The following TUT7 variants were observed in gnomAD, a reference collection of about 807,000 sequenced individuals.
The protein encoded by TUT7 is terminal uridylyltransferase 7.
In TUT7, 33 loss-of-function variants were observed where a neutral mutation model predicts 165.9. The ratio of observed to expected loss-of-function variants is 0.20; its 90% confidence interval spans 0.15 to 0.27. The LOEUF (loss-of-function observed/expected upper bound fraction) is 0.27, where lower values mean the gene tolerates loss of function less well. Among genes scored for constraint, TUT7 ranks in the 10% least tolerant of loss-of-function variants. TUT7 has a pLI of 1.00. For synonymous variants in TUT7, 552 were observed against 608.1 expected (o/e 0.91, Z 1.36); for missense variants, 1,338 against 1,762.3 (o/e 0.76, Z 4.31).
At chr9:86,294,404 G>A (rs1826132368) in intron 26 of TUT7, among the ~76,000 whole-genome samples, 1 of 151,924 alleles carries the variant, frequency 6.6e-6, no homozygotes, top group African/African-American at 2.4e-5. Flanking sequence ...GATAGTGGAT[G>A]ATCATTACAA....
intron 26 of TUT7, among the ~76,000 whole-genome samples, chr9:86,299,647 G>A (rs892271294): frequency 2.0e-5 from 3 of 151,982 alleles, no homozygotes; most frequent in African/African-American, 4.8e-5. Flanking sequence ...CGGACTACCC[G>A]CCCCGCATCT....
chr9:86,323,839 T>C lies in TUT7; in HGVS notation c.1911A>G (p.Lys637=), dbSNP rs1829551920. Residue 637 remains lysine (K), a synonymous_variant, in exon 13 of 27, where the codon AAA becomes AAG. Transcript: ENST00000375963. ...KYFALPHKIT[K]SSLLKPLNAI... ...CATTCAGAGGCTTTAGAAGGCTGGA[T>C]TTTGTAATTTTGTGTGGAAGAGCAA... 6 of 1,614,062 alleles carry C rather than the reference T, an allele frequency of 3.7e-6. No homozygotes were observed. The highest frequency in any genetic ancestry group is 5.1e-6 in the Non-Finnish European group (6 of 1,180,020).
At chr9:86,347,787 C>T (rs1046976483) in intron 2 of TUT7, among the ~76,000 whole-genome samples, 2 of 152,104 alleles carry the variant, frequency 1.3e-5, no homozygotes, top group Admixed American at 6.6e-5. Context: ...AATCAGGCTA[C>T]CTTGCGCTAC....
At chr9:86,350,072 C>T (rs1832137255) in intron 2 of TUT7, among the ~76,000 whole-genome samples, 1 of 152,162 alleles carries the variant, frequency 6.6e-6, no homozygotes, top group South Asian at 2.1e-4. Context: ...TGGCTCACAC[C>T]TGTAATCCCA....
At chr9:86,304,364 C>T (rs1587870577) in intron 24 of TUT7, among the ~76,000 whole-genome samples, 1 of 152,092 alleles carries the variant, frequency 6.6e-6, no homozygotes, top group African/African-American at 2.4e-5. Flanking sequence ...GCTTTGTTTT[C>T]AATAAATGTG....
intron 2 of TUT7, among the ~76,000 whole-genome samples, chr9:86,352,052 T>G (rs1339856879): frequency 2.0e-5 from 3 of 152,154 alleles, no homozygotes; most frequent in African/African-American, 4.8e-5. Context: ...AAATTAGTTT[T>G]GGTCTTACTG....
At chr9:86,342,191 G>A (rs936639176) in intron 6 of TUT7, among the ~76,000 whole-genome samples, 2 of 151,950 alleles carry the variant, frequency 1.3e-5, no homozygotes, top group African/African-American at 2.4e-5. Flanking sequence ...GAGAGAGGTG[G>A]GGCTGGCCAG....
intron 2 of TUT7, among the ~76,000 whole-genome samples, chr9:86,351,835 G>A (rs1832330172): frequency 6.6e-6 from 1 of 152,122 alleles, no homozygotes; most frequent in African/African-American, 2.4e-5. Flanking sequence ...ACAAGTCCAT[G>A]TTTCCAACTG....
At chr9:86,334,019 T>G (rs1195396758) in intron 10 of TUT7, among the ~76,000 whole-genome samples, 1 of 152,124 alleles carries the variant, frequency 6.6e-6, no homozygotes, top group Non-Finnish European at 1.5e-5. Flanking sequence ...CACTGTATAG[T>G]CCTAAGATTA....
chr9:86,296,915 T>C (rs1259365305), intron 26 of TUT7, among the ~76,000 whole-genome samples: 5 of 152,368 alleles, frequency 3.3e-5, no homozygotes, highest in Admixed American at 6.5e-5. Flanking sequence ...TCATCTGACA[T>C]ATACTTATTT....
Position 86,345,104 on chromosome 9 carries a change from G to A in TUT7, c.870C>T (p.Ser290=). 6.2e-7 allele frequency: 1 copy of A among 1,613,520 alleles called. No individual in the cohort carries two copies. Among genetic ancestry groups the A allele is most frequent in the Non-Finnish European group, 8.5e-7 (1 of 1,179,768 alleles). ...LLTTLPPPTP[S]QINAVGIAID... Reference sequence around the variant, plus strand: ...TGGCAATGCCAACTGCATTTATCTGGGAGGGTGTTGGTGGGGGTAACGTAG... The same window carrying A: ...TGGCAATGCCAACTGCATTTATCTGAGAGGGTGTTGGTGGGGGTAACGTAG... Residue 290 remains serine, a synonymous_variant, in exon 5 of 27, where the codon TCC becomes TCT. Transcript: ENST00000375963.
At position 86,328,378 on chromosome 9, in the gene TUT7, C is replaced by T. The variant is rs747102334; in HGVS notation, c.1570G>A (p.Glu524Lys). 26 of 1,607,950 alleles carry T rather than the reference C, an allele frequency of 1.6e-5. No individual in the cohort carries two copies. In the South Asian group the frequency reaches 2.0e-4, roughly 12 times the overall value. ...SAAGDTGITK[E>K]EAPRETPIKR... is the part of the protein sequence containing the mutation. ...ATCGGCGTTTCTCTTGGTGCCTCTTCTTTTGTTATGCCTGTGTCCCCTGCA... is the reference window on the plus strand; with the variant it reads ...ATCGGCGTTTCTCTTGGTGCCTCTTTTTTTGTTATGCCTGTGTCCCCTGCA... The change falls in exon 11 of 27, where the codon GAA becomes AAA. Residue 524 changes from glutamate to lysine, a missense_variant. Around this residue, in one of 7 missense-constraint regions of TUT7, gnomAD observed 53 missense variants for 46.3 expected, o/e 1.15. Coordinates refer to ENST00000375963, the MANE Select transcript of TUT7 (RefSeq NM_024617.4).
intron 14 of TUT7, 60 bp from the exon 15 acceptor site, chr9:86,319,730 C>A: frequency 8.7e-7 from 1 of 1,145,906 alleles, no homozygotes; most frequent in Admixed American, 2.6e-5. Context: ...TTAGAAAAAG[C>A]TGAAAAAAAT....
intron 16 of TUT7, among the ~76,000 whole-genome samples, chr9:86,318,707 G>A (rs1828964433): frequency 6.6e-6 from 1 of 152,166 alleles, no homozygotes; most frequent in Admixed American, 6.5e-5. Context: ...AGGCTGGTTT[G>A]GCTATGTAGA....
At chr9:86,330,623 CTTTA>C (rs1830230947) in intron 10 of TUT7, among the ~76,000 whole-genome samples, 2 of 152,028 alleles carry the variant, frequency 1.3e-5, no homozygotes, top group Non-Finnish European at 2.9e-5. Flanking sequence ...TAATGTTTTT[CTTTA>C]TTGATTTTAG....
At chr9:86,298,830 C>T in intron 26 of TUT7, 1 of 984,250 alleles carries the variant, frequency 1.0e-6, no homozygotes, top group Non-Finnish European at 1.2e-6. Flanking sequence ...AAAAGCACTG[C>T]CTAAAAAATG....
Position 86,323,078 on chromosome 9 carries a change from G to A in TUT7, c.2672C>T (p.Ala891Val). The change falls in exon 13 of 27, where the codon GCC (alanine) becomes GTC (valine). Residue 891 changes from alanine (A) to valine (V), a missense_variant. By Grantham distance (64) the Ala-to-Val change is moderately conservative. Around this residue, in one of 7 missense-constraint regions of TUT7, gnomAD observed 425 missense variants for 474.9 expected, o/e 0.89. Coordinates refer to ENST00000375963, the MANE Select transcript of TUT7 (RefSeq NM_024617.4). ...TAACTCATCATCCTCTTCAGATAGG[G>A]CGTCCTCATCCCCTGACCCAGTGTA... ...NTYTGSGDED[A>V]LSEEDDELGE... is the part of the protein sequence containing the mutation. The A allele has an allele frequency of 3.1e-6, 5 of 1,614,108 alleles. No homozygotes were observed. The highest frequency in any genetic ancestry group is 4.2e-6 in the Non-Finnish European group (5 of 1,180,022).
In TUT7 at chr9:86,301,614, T is replaced by C. The variant is rs189902486; in HGVS notation, c.4095-13A>G. The C allele has an allele frequency of 9.3e-5, 148 of 1,588,656 alleles. No individual in the cohort carries two copies. In the East Asian group the frequency reaches 2.5e-3, roughly 27 times the overall value. On this transcript the variant is annotated splice_polypyrimidine_tract_variant and intron_variant, in intron 25 of 26. Transcript: ENST00000375963. ...CCGCCGTCTTACTCTGTAGAAGATATCATATTAGTAGCAAAAATCTAAACA... is the reference window on the plus strand; with the variant it reads ...CCGCCGTCTTACTCTGTAGAAGATACCATATTAGTAGCAAAAATCTAAACA...
In TUT7 at chr9:86,323,741, T is replaced by G. The variant is rs1164394302; in HGVS notation, c.2009A>C (p.Lys670Thr). 1 of 1,613,554 alleles carries G rather than the reference T, an allele frequency of 6.2e-7. No individual in the cohort carries two copies. Among genetic ancestry groups the G allele is most frequent in the African/African-American group, 1.3e-5 (1 of 74,880 alleles). The change falls in exon 13 of 27, where the codon AAG becomes ACG. Residue 670 changes from lysine to threonine, a missense_variant. Around this residue, in one of 7 missense-constraint regions of TUT7, gnomAD observed 425 missense variants for 474.9 expected, o/e 0.89. Transcript: ENST00000375963. Reference sequence around the variant, plus strand: ...TTGGGCCAAAACTGAGTTTTTGAGCTTATCATCTTTTGTTTGTACATCTGG... The same window carrying G: ...TTGGGCCAAAACTGAGTTTTTGAGCGTATCATCTTTTGTTTGTACATCTGG... ...HHPDVQTKDD[K>T]LKNSVLAQGP...
Sources: gnomAD v4.1 joint callset for allele counts (sites outside exome capture counted in the v4.1 genomes callset) on GRCh38, gnomAD v4.1.1 for gene constraint, gnomAD v4.1.1 regional missense constraint, MANE v1.5 for transcripts, NCBI Gene and HGNC (gene_info 2026-07-23, HGNC 2026-07-21) for gene names.